Variants in ARID2 observed in about 807,000 individuals in gnomAD.
ARID2 encodes AT-rich interactive domain-containing protein 2.
Under a neutral mutation model 184.6 loss-of-function variants are expected in ARID2, and 32 were observed. That is an observed-to-expected ratio of 0.17 (90% CI 0.13 to 0.23). The LOEUF is 0.23. Ranked by LOEUF, ARID2 falls within the 10% of genes least tolerant of loss-of-function variation. The pLI, the probability that ARID2 is intolerant of heterozygous loss-of-function variation, is 1.00. For missense variants in ARID2, 1,696 were observed against 2,197.6 expected (o/e 0.77, Z 4.56); for synonymous variants, 836 against 772.6 (o/e 1.08, Z -1.36).
At chr12:45,748,697 C>T (rs1941404529) in intron 3 of ARID2, among the ~76,000 whole-genome samples, 1 of 152,258 alleles carries the variant, frequency 6.6e-6, no homozygotes, top group Admixed American at 6.5e-5. Flanking sequence ...AACCCTGCCA[C>T]TGCTTTATCA....
chr12:45,800,226 C>A (rs1942471191), intron 3 of ARID2, among the ~76,000 whole-genome samples: 1 of 151,990 alleles, frequency 6.6e-6, no homozygotes, highest in Non-Finnish European at 1.5e-5. Flanking sequence ...TAAATAGATA[C>A]AATAACGTGG....
chr12:45,804,509 TCTGTATGTA>T (rs1835616596), intron 3 of ARID2, among the ~76,000 whole-genome samples: 1 of 151,840 alleles, frequency 6.6e-6, no homozygotes, highest in Admixed American at 6.6e-5. Context: ...TGTGTGTGTG[TCTGTATGTA>T]GTCTTTTTTT....
At chr12:45,868,184 T>G (rs532269197) in intron 16 of ARID2, among the ~76,000 whole-genome samples, 2 of 152,312 alleles carry the variant, frequency 1.3e-5, no homozygotes, top group South Asian at 4.1e-4. Context: ...CTCACACCTG[T>G]AATCCCAGCA....
intron 6 of ARID2, 126 bp downstream of exon 6, chr12:45,821,613 C>A: frequency 2.2e-6 from 1 of 451,786 alleles, no homozygotes. Flanking sequence ...AATACATATG[C>A]CATACACAAC....
intron 6 of ARID2, 41 bp from the exon 7 acceptor site, chr12:45,836,548 T>A (rs759197276): frequency 1.3e-6 from 2 of 1,557,820 alleles, no homozygotes; most frequent in East Asian, 4.6e-5. Flanking sequence ...AATAGAATAG[T>A]TGTTTCAAAT....
intron 10 of ARID2, 45 bp downstream of exon 10, chr12:45,837,752 GTGTT>G: frequency 6.4e-7 from 1 of 1,572,770 alleles, no homozygotes; most frequent in Non-Finnish European, 8.7e-7. Flanking sequence ...TTGAGTAAAA[GTGTT>G]TAATATGGTA....
At chr12:45,780,811 G>C (rs1942074932) in intron 3 of ARID2, among the ~76,000 whole-genome samples, 1 of 151,894 alleles carries the variant, frequency 6.6e-6, no homozygotes, top group African/African-American at 2.4e-5. Flanking sequence ...GTAGTGATGG[G>C]GTTTCACTAT....
chr12:45,768,263 T>C (rs1427570954), intron 3 of ARID2, among the ~76,000 whole-genome samples: 1 of 152,012 alleles, frequency 6.6e-6, no homozygotes, highest in Non-Finnish European at 1.5e-5. Flanking sequence ...TGAGTGGGGC[T>C]GAGAGGCAGG....
chr12:45,838,665 G>A (rs1189132816), intron 10 of ARID2, among the ~76,000 whole-genome samples: 2 of 151,988 alleles, frequency 1.3e-5, no homozygotes, highest in African/African-American at 4.8e-5. Context: ...TGCTTGGGAG[G>A]CTGATGTGGG....
At chr12:45,737,629 G>A (rs1378059930) in intron 3 of ARID2, among the ~76,000 whole-genome samples, 5 of 151,622 alleles carry the variant, frequency 3.3e-5, no homozygotes, top group African/African-American at 1.2e-4. Flanking sequence ...TGCTAAGATT[G>A]AACAGTGGTT....
intron 3 of ARID2, among the ~76,000 whole-genome samples, chr12:45,752,072 T>C (rs1941475065): frequency 6.6e-6 from 1 of 152,230 alleles, no homozygotes. Flanking sequence ...CCAAGTTTTA[T>C]ACTTTTTCAA....
intron 3 of ARID2, among the ~76,000 whole-genome samples, chr12:45,763,555 C>T (rs558048894): frequency 6.6e-6 from 1 of 152,070 alleles, no homozygotes; most frequent in East Asian, 1.9e-4. Flanking sequence ...TGTTTTCAGA[C>T]ACAAAGTCTC....
At chr12:45,804,027 A>T (rs982832538) in intron 3 of ARID2, among the ~76,000 whole-genome samples, 19 of 152,154 alleles carry the variant, frequency 1.2e-4, no homozygotes, top group Admixed American at 2.6e-4. Flanking sequence ...GAGAGAGGAG[A>T]CAGTGTCAAT....
At chr12:45,867,479 A>C (rs957759374) in intron 16 of ARID2, among the ~76,000 whole-genome samples, 1 of 148,152 alleles carries the variant, frequency 6.7e-6, no homozygotes, top group Non-Finnish European at 1.5e-5. Flanking sequence ...GCAGTGGCTC[A>C]TGCCTGTAAT....
intron 6 of ARID2, among the ~76,000 whole-genome samples, chr12:45,822,169 A>G (rs1245300871): frequency 6.6e-6 from 1 of 152,140 alleles, no homozygotes; most frequent in Non-Finnish European, 1.5e-5. Flanking sequence ...CTGCAACTTC[A>G]GCTAAAATTT....
At chr12:45,887,742 C>G (rs2138226042) in intron 16 of ARID2, among the ~76,000 whole-genome samples, 1 of 152,306 alleles carries the variant, frequency 6.6e-6, no homozygotes, top group Non-Finnish European at 1.5e-5. Context: ...AGGCATCTCC[C>G]TTCTGCAAGT....
chr12:45,775,447 C>G (rs1370145000), intron 3 of ARID2, among the ~76,000 whole-genome samples: 3 of 152,176 alleles, frequency 2.0e-5, no homozygotes, highest in Non-Finnish European at 4.4e-5. Context: ...CATCTGAATC[C>G]AGGTGAGAAA....
chr12:45,872,708 A>T (rs1943945886), intron 16 of ARID2, among the ~76,000 whole-genome samples: 1 of 152,228 alleles, frequency 6.6e-6, no homozygotes, highest in Non-Finnish European at 1.5e-5. Context: ...GCCAAACCAT[A>T]TCAATTACTA....
At chr12:45,898,021 C>T (rs936197491) in intron 20 of ARID2, among the ~76,000 whole-genome samples, 3 of 151,990 alleles carry the variant, frequency 2.0e-5, no homozygotes, top group African/African-American at 7.3e-5. Context: ...TTGTCTTGAA[C>T]TTCTGGGCTC....
Sources: allele counts gnomAD v4.1 joint callset (sites outside exome capture counted in the v4.1 genomes callset), GRCh38; gene constraint gnomAD v4.1.1; transcripts MANE v1.5; gene names NCBI Gene and HGNC (gene_info 2026-07-23, HGNC 2026-07-21).